SOX5: variants seen among roughly 807,000 people sequenced by gnomAD.
SOX5 encodes SRY-box transcription factor 5, also known as transcription factor SOX-5.
Under a neutral mutation model 92.0 loss-of-function variants are expected in SOX5, and 9 were observed. The ratio of observed to expected loss-of-function variants is 0.10; its 90% CI spans 0.06 to 0.17. The LOEUF (loss-of-function observed/expected upper bound fraction) is 0.17. Ranked by LOEUF, SOX5 falls within the 10% of genes least tolerant of loss-of-function variation. The pLI is 1.00. For missense variants in SOX5, 642 were observed against 944.5 expected, an observed-to-expected ratio of 0.68 and a Z score of 4.20; for synonymous variants, 344 against 336.3, an observed-to-expected ratio of 1.02 and a Z score of -0.25.
intron 1 of SOX5, among the ~76,000 whole-genome samples, chr12:24,489,492 G>A (rs1004905691): frequency 1.3e-5 from 2 of 152,150 alleles, no homozygotes; most frequent in South Asian, 4.1e-4. Context: ...GGCCCAGAGA[G>A]AGCATGCCTT....
At chr12:24,236,133 G>A (rs1964463200) in intron 3 of SOX5, among the ~76,000 whole-genome samples, 1 of 152,110 alleles carries the variant, frequency 6.6e-6, no homozygotes, top group Admixed American at 6.6e-5. Context: ...TGGGTTCACT[G>A]CTTGCAGTGA....
chr12:24,339,832 G>C (rs919051161), intron 2 of SOX5, among the ~76,000 whole-genome samples: 3 of 152,212 alleles, frequency 2.0e-5, no homozygotes, highest in African/African-American at 7.2e-5. Flanking sequence ...CAGCTATAAG[G>C]AAAGTTGGTG....
chr12:23,545,703 A>G (rs1942996380), intron 12 of SOX5, among the ~76,000 whole-genome samples: 1 of 152,120 alleles, frequency 6.6e-6, no homozygotes, highest in Non-Finnish European at 1.5e-5. Flanking sequence ...ATGAGCCAAT[A>G]GAAACAAATT....
At position 24,507,386 on chromosome 12, in the gene SOX5, T is replaced by C. The variant is rs545534436; in HGVS notation, c.-251+54943A>G. ...ATTTATAGTTCTAGGATAGAGATAC[T>C]AGATAGAGAAACAAGTTAAATGACA... On this transcript the variant is annotated intron_variant, in intron 1 of 4. Transcript: ENST00000446891. Among the ~76,000 whole-genome samples, 4 of 151,680 alleles carry C rather than the reference T, an allele frequency of 2.6e-5. No individual in the cohort carries two copies. In the East Asian group the frequency reaches 7.8e-4, roughly 29 times the overall value.
chr12:23,969,257 C>T (rs553879605), intron 4 of SOX5, among the ~76,000 whole-genome samples: 3 of 152,238 alleles, frequency 2.0e-5, no homozygotes, highest in Admixed American at 1.3e-4. Context: ...AAAGCATCAC[C>T]ATCTGCTGCT....
intron 4 of SOX5, among the ~76,000 whole-genome samples, chr12:24,106,400 A>G (rs1391743461): frequency 6.6e-6 from 1 of 152,214 alleles, no homozygotes; most frequent in Non-Finnish European, 1.5e-5. Context: ...AAAACTATAC[A>G]TGACATCTAG....
chr12:23,556,960 G>A (rs1440927294), intron 11 of SOX5, among the ~76,000 whole-genome samples: 1 of 152,190 alleles, frequency 6.6e-6, no homozygotes, highest in Non-Finnish European at 1.5e-5. Context: ...ATTATTACAG[G>A]GCTGCCATCC....
intron 4 of SOX5, among the ~76,000 whole-genome samples, chr12:24,048,895 T>C (rs905832126): frequency 2.6e-5 from 4 of 152,184 alleles, no homozygotes; most frequent in Admixed American, 6.5e-5. Flanking sequence ...TTAATAAGCA[T>C]GGGATTTCTT....
chr12:23,639,652 T>C (rs1354976212), intron 8 of SOX5, among the ~76,000 whole-genome samples: 4 of 152,194 alleles, frequency 2.6e-5, no homozygotes, highest in Non-Finnish European at 4.4e-5. Context: ...AGAAAACAGA[T>C]ACTCACAGTG....
chr12:24,250,376 G>C (rs1939784902), intron 3 of SOX5, among the ~76,000 whole-genome samples: 1 of 152,216 alleles, frequency 6.6e-6, no homozygotes, highest in Admixed American at 6.5e-5. Context: ...TGCAGCTAGT[G>C]AATTCTAACC....
intron 1 of SOX5, among the ~76,000 whole-genome samples, chr12:23,904,034 C>G (rs916091281): frequency 6.6e-6 from 1 of 152,100 alleles, no homozygotes; most frequent in Non-Finnish European, 1.5e-5. Context: ...CTATGAATTT[C>G]AATTATTATT....
At position 24,546,542 on chromosome 12, in the gene SOX5, T is replaced by A. The variant is rs1043772482; in HGVS notation, c.-251+15787A>T. Among the ~76,000 whole-genome samples, 12 of 152,142 alleles carry A rather than the reference T, an allele frequency of 7.9e-5. 1 individual carries two copies. The highest frequency in any genetic ancestry group is 7.9e-4 in the Admixed American group (12 of 15,274). ...AATTCCAAGAACACAACATGCTATCTCTCACTGCCATGCCTTTCCACTCAG... is the reference window on the plus strand; with the variant it reads ...AATTCCAAGAACACAACATGCTATCACTCACTGCCATGCCTTTCCACTCAG... On this transcript the variant is annotated intron_variant, in intron 1 of 4. Transcript: ENST00000446891.
At chr12:23,852,145 T>C (rs1268437699) in intron 2 of SOX5, among the ~76,000 whole-genome samples, 1 of 152,166 alleles carries the variant, frequency 6.6e-6, no homozygotes, top group Non-Finnish European at 1.5e-5. Context: ...TAAAAATGGA[T>C]AGAAATTCTA....
rs1945825319 is a variant in SOX5 at position 24,480,126 on chromosome 12, T to A, written c.-251+82203A>T. ...AATCCACACACCTACAGTGAACTCA[T>A]TTTCAACAAAAGTGCCAAGAACATA... On this transcript the variant is annotated intron_variant, in intron 1 of 4. Transcript: ENST00000446891. Among the ~76,000 whole-genome samples the A allele has an allele frequency of 5.3e-5, 8 of 152,130 alleles. No homozygotes were observed. In the South Asian group the frequency reaches 1.7e-3, roughly 32 times the overall value.
chr12:23,681,767 C>T (rs2086663436), intron 6 of SOX5, among the ~76,000 whole-genome samples: 1 of 151,380 alleles, frequency 6.6e-6, no homozygotes, highest in Admixed American at 6.6e-5. Flanking sequence ...CAAAAGAATC[C>T]AAATATGCAT....
chr12:23,897,514 A>G (rs2097189552), intron 1 of SOX5, among the ~76,000 whole-genome samples: 1 of 152,164 alleles, frequency 6.6e-6, no homozygotes, highest in Non-Finnish European at 1.5e-5. Context: ...TGGACTATGT[A>G]TCATGTGACA....
intron 6 of SOX5, among the ~76,000 whole-genome samples, chr12:23,690,006 T>G (rs1212829657): frequency 6.6e-6 from 1 of 152,212 alleles, no homozygotes; most frequent in Non-Finnish European, 1.5e-5. Flanking sequence ...CTGAGCCCTT[T>G]TCCATATGGA....
chr12:23,779,469 C>T (rs759266703), intron 3 of SOX5, among the ~76,000 whole-genome samples: 5 of 150,804 alleles, frequency 3.3e-5, no homozygotes, highest in Non-Finnish European at 7.4e-5. Context: ...AATGTTAATA[C>T]ACATATTCAA....
chr12:23,881,409 A>C (rs1157527046), intron 2 of SOX5, among the ~76,000 whole-genome samples: 1 of 152,134 alleles, frequency 6.6e-6, no homozygotes, highest in Non-Finnish European at 1.5e-5. Flanking sequence ...TCCACTCAGC[A>C]CTAATCTCTG....
Sources: gnomAD v4.1 joint callset for allele counts (sites outside exome capture counted in the v4.1 genomes callset) on GRCh38, gnomAD v4.1.1 for gene constraint, MANE v1.5 for transcripts, NCBI Gene and HGNC (gene_info 2026-07-23, HGNC 2026-07-21) for gene names.